The following ADGRV1 variants were observed in gnomAD, a reference collection of about 807,000 sequenced individuals.
ADGRV1 encodes G-protein coupled receptor 98.
A neutral mutation model predicts 596.2 loss-of-function variants in ADGRV1; 359 were observed. The ratio of observed to expected loss-of-function variants is 0.60; its 90% CI spans 0.55 to 0.66. The LOEUF (loss-of-function observed/expected upper bound fraction) is 0.66, where lower values mean the gene tolerates loss of function less well. ADGRV1 is among the 30% of genes least tolerant of loss of function. The pLI is 0.00. For missense variants in ADGRV1, 7,274 were observed against 7,575.6 expected (o/e 0.96, Z 1.48); for synonymous variants, 2,681 against 2,679.2 (o/e 1.00, Z -0.02).
At chr5:91,035,839 A>AGT (rs200468874) in intron 85 of ADGRV1, among the ~76,000 whole-genome samples, 18,274 of 116,222 alleles carry the variant, frequency 0.16, 2,117 homozygotes, top group Non-Finnish European at 0.22. Context: ...GTAATAAATG[A>AGT]GTGTGTATAT....
intron 57 of ADGRV1, among the ~76,000 whole-genome samples, chr5:90,758,953 T>A (rs1446560559): frequency 6.6e-6 from 1 of 152,214 alleles, no homozygotes; most frequent in African/African-American, 2.4e-5. Flanking sequence ...AGAAGACTGG[T>A]AATTTTTATG....
chr5:90,691,373 TA>T (rs1374885707), intron 31 of ADGRV1, among the ~76,000 whole-genome samples: 2 of 141,170 alleles, frequency 1.4e-5, no homozygotes, highest in African/African-American at 5.3e-5. Flanking sequence ...TTGCTCTGTA[TA>T]AACTTTTTTC....
At chr5:90,784,125 C>G in intron 67 of ADGRV1, 68 bp downstream of exon 67, 2 of 977,820 alleles carry the variant, frequency 2.0e-6, no homozygotes, top group African/African-American at 1.6e-5. Flanking sequence ...TGTGTTTTCT[C>G]ATTGCCCAAG....
intron 21 of ADGRV1, among the ~76,000 whole-genome samples, chr5:90,661,545 A>G (rs62375094): frequency 0.36 from 54,116 of 151,994 alleles, 9,877 homozygotes; most frequent in Admixed American, 0.49. Flanking sequence ...TTAATTTTCT[A>G]TTGCAATAGA....
chr5:90,734,694 T>C (rs1752994937), intron 50 of ADGRV1, among the ~76,000 whole-genome samples: 1 of 151,568 alleles, frequency 6.6e-6, no homozygotes, highest in Non-Finnish European at 1.5e-5. Flanking sequence ...CAAGTGATTC[T>C]TCTGCCTCAG....
intron 58 of ADGRV1, chr5:90,762,704 G>A (rs753751347): frequency 1.3e-5 from 2 of 152,062 alleles, no homozygotes; most frequent in African/African-American, 2.4e-5. Flanking sequence ...ATTTTGACTC[G>A]CTAAAGTAGG....
At chr5:90,751,765 C>A (rs1047148006) in intron 53 of ADGRV1, among the ~76,000 whole-genome samples, 5 of 152,104 alleles carry the variant, frequency 3.3e-5, no homozygotes, top group African/African-American at 1.2e-4. Flanking sequence ...TTCATCATTT[C>A]TAGGTTTCTG....
chr5:90,640,203 A>G (rs1325911745), intron 11 of ADGRV1, among the ~76,000 whole-genome samples: 1 of 152,180 alleles, frequency 6.6e-6, no homozygotes, highest in Admixed American at 6.5e-5. Flanking sequence ...TGTGCTTTCA[A>G]GGCTGTTTGA....
chr5:90,569,387 ATTTTTTTTTT>A (rs869133714), intron 1 of ADGRV1, among the ~76,000 whole-genome samples: 6 of 16,374 alleles, frequency 3.7e-4, no homozygotes, highest in East Asian at 1.8e-3. Flanking sequence ...ATATATATAT[ATTTTTTTTTT>A]TTTTTTTTTT....
At chr5:90,795,465 G>A (rs191399523) in intron 70 of ADGRV1, among the ~76,000 whole-genome samples, 68 of 152,300 alleles carry the variant, frequency 4.5e-4, no homozygotes, top group Non-Finnish European at 8.7e-4. Flanking sequence ...TCTCTGGGCA[G>A]GGCATCTCTG....
At chr5:90,858,559 G>C (rs533305189) in intron 82 of ADGRV1, among the ~76,000 whole-genome samples, 212 of 152,040 alleles carry the variant, frequency 1.4e-3, no homozygotes, top group Middle Eastern at 3.4e-3. Flanking sequence ...TGCTGCCCAG[G>C]CTGGTCTCAA....
rs1779340825 is a variant in ADGRV1 at position 90,974,248 on chromosome 5, C to A, written c.17973+8717C>A. Among the ~76,000 whole-genome samples, 9 of 152,136 alleles carry A rather than the reference C, an allele frequency of 5.9e-5. 1 individual carries two copies. The South Asian group carries it at 1.9e-3, about 32-fold the overall frequency. On this transcript the variant is annotated intron_variant, in intron 84 of 89. Transcript: ENST00000405460. ...TTCCATGCTCATGGATAGGAAGAAT[C>A]AATATTGTAAAAATGGCCATACTGC...
At chr5:91,134,490 A>T (rs1325592430) in intron 87 of ADGRV1, among the ~76,000 whole-genome samples, 1 of 152,156 alleles carries the variant, frequency 6.6e-6, no homozygotes, top group Non-Finnish European at 1.5e-5. Context: ...CACTGCGCCC[A>T]ACTGCCTACT....
chr5:90,596,233 G>A (rs1225002467), intron 1 of ADGRV1, among the ~76,000 whole-genome samples: 3 of 151,336 alleles, frequency 2.0e-5, no homozygotes, highest in Non-Finnish European at 4.4e-5. Flanking sequence ...AGATGTGATG[G>A]CGGCCGGGAA....
At position 90,676,132 on chromosome 5, in the gene ADGRV1, T is replaced by G; in HGVS notation, c.5366T>G (p.Phe1789Cys). The G allele has an allele frequency of 6.2e-7, 1 of 1,605,032 alleles. No homozygotes were observed. Among genetic ancestry groups the G allele is most frequent in the Non-Finnish European group, 8.5e-7 (1 of 1,174,476 alleles). ...CCAGGAGAAAGATATAAATACATTT[T>G]CATAAACATCACTGATAATTCTATT... is the stretch of plus-strand genomic sequence containing the variant. ...FQPGERYKYI[F>C]INITDNSIPE... Residue 1789 changes from phenylalanine to cysteine, a missense_variant, in exon 25 of 90, where the codon TTC (phenylalanine) becomes TGC (cysteine). Phe to Cys is a radical substitution (Grantham distance 205, BLOSUM62 -2). Around this residue, in one of 5 missense-constraint regions of ADGRV1, gnomAD observed 3,643 missense variants for 3,809.2 expected, o/e 0.96. Coordinates refer to ENST00000405460, the MANE Select transcript of ADGRV1 (RefSeq NM_032119.4).
chr5:90,852,351 GT>G (rs1413036107), intron 79 of ADGRV1, among the ~76,000 whole-genome samples: 1 of 152,166 alleles, frequency 6.6e-6, no homozygotes, highest in Non-Finnish European at 1.5e-5. Context: ...CTACGACGTA[GT>G]TGTACATACT....
At chr5:91,105,989 T>A (rs1791837627) in intron 87 of ADGRV1, among the ~76,000 whole-genome samples, 1 of 151,258 alleles carries the variant, frequency 6.6e-6, no homozygotes, top group African/African-American at 2.4e-5. Context: ...TTATTTATAT[T>A]TAATATCCTT....
intron 31 of ADGRV1, 131 bp from the exon 32 acceptor site, chr5:90,692,474 T>A: frequency 1.5e-6 from 1 of 668,530 alleles, no homozygotes. Context: ...GGAGTTCTTT[T>A]AGTCCATTTA....
rs756113874 is a variant in ADGRV1, at chr5:90,685,952, T to A, written c.6447T>A (p.Asp2149Glu). 1 of 1,605,090 alleles carries A rather than the reference T, an allele frequency of 6.2e-7. No homozygotes were observed. Among genetic ancestry groups the A allele is most frequent in the Admixed American group, 1.7e-5 (1 of 59,364 alleles). The change falls in exon 29 of 90, where the codon GAT becomes GAA. Residue 2149 changes from aspartate to glutamate, a missense_variant. By Grantham distance (45) the Asp-to-Glu change is conservative. Coordinates refer to ENST00000405460, the MANE Select transcript of ADGRV1 (RefSeq NM_032119.4). ...NVTRTGGAFA[D>E]VSVKFKAVPI... is the part of the protein sequence containing the mutation. ...CTAGAACAGGAGGAGCATTTGCAGA[T>A]GTCTCTGTGAAGTTTAAAGCTGTGC...
Sources: allele counts gnomAD v4.1 joint callset (sites outside exome capture counted in the v4.1 genomes callset), GRCh38; gene constraint gnomAD v4.1.1; regional missense constraint gnomAD v4.1.1; transcripts MANE v1.5; gene names NCBI Gene and HGNC (gene_info 2026-07-23, HGNC 2026-07-21).